Variants in CDKL5 observed in about 807,000 individuals in gnomAD.
CDKL5 encodes the protein cyclin-dependent kinase-like 5.
In CDKL5, 8 loss-of-function variants were observed where a neutral mutation model predicts 61.7. The observed-to-expected ratio is 0.13, with a 90% CI of 0.08 to 0.23. CDKL5 has a LOEUF of 0.23. Ranked by LOEUF, CDKL5 falls within the 10% of genes least tolerant of loss-of-function variation. CDKL5 has a pLI of 1.00. For synonymous variants in CDKL5, 275 were observed against 272.3 expected (o/e 1.01, Z -0.10); for missense variants, 440 against 734.5 (o/e 0.60, Z 4.63).
intron 15 of CDKL5, among the ~76,000 whole-genome samples, chrX:18,614,435 C>T (rs1926656418): frequency 8.9e-6 from 1 of 112,143 alleles, no homozygotes; most frequent in Non-Finnish European, 1.9e-5. Context: ...ACTTGTCTAT[C>T]AATCAGAGGA....
chrX:18,448,578 C>T lies in CDKL5; in HGVS notation c.-163+22883C>T, dbSNP rs777336461. On this transcript the variant is annotated intron_variant, in intron 1 of 17. Coordinates refer to ENST00000623535, the MANE Select transcript of CDKL5 (RefSeq NM_001323289.2). ...TTCTGAGTGGTGAGATTCCCCATTC[C>T]TCATGGAAGCTACAGTTAATTGGCA... 4.5e-5 allele frequency among the ~76,000 whole-genome samples: 5 copies of T among 112,304 alleles called. No homozygotes were observed. The South Asian group carries it at 1.8e-3, about 41-fold the overall frequency.
chrX:18,444,892 C>T (rs932574134), intron 1 of CDKL5, among the ~76,000 whole-genome samples: 19 of 110,862 alleles, frequency 1.7e-4, no homozygotes, highest in African/African-American at 4.9e-4. Context: ...TGCCTATGCC[C>T]GGGTTGTGGA....
At chrX:18,430,070 G>T (rs1014616784) in intron 1 of CDKL5, among the ~76,000 whole-genome samples, 1 of 112,218 alleles carries the variant, frequency 8.9e-6, no homozygotes, top group Non-Finnish European at 1.9e-5. Flanking sequence ...ACTGAACTCA[G>T]ATCCATCAGG....
At chrX:18,470,331 G>A (rs1322884889) in intron 1 of CDKL5, among the ~76,000 whole-genome samples, 3 of 74,805 alleles carry the variant, frequency 4.0e-5, no homozygotes, top group Admixed American at 4.0e-4. Flanking sequence ...GTGAGACTCC[G>A]TCTCAAAAAA....
At chrX:18,436,684 G>A (rs1931615388) in intron 1 of CDKL5, among the ~76,000 whole-genome samples, 1 of 109,511 alleles carries the variant, frequency 9.1e-6, no homozygotes, top group Admixed American at 9.8e-5. Context: ...CAGATCACTT[G>A]AGCCCAGGAG....
intron 1 of CDKL5, among the ~76,000 whole-genome samples, chrX:18,453,143 G>T (rs991512179): frequency 5.5e-4 from 61 of 111,488 alleles, no homozygotes; most frequent in Non-Finnish European, 2.6e-4. Flanking sequence ...TTTTAACCAC[G>T]TTTGAGTGCC....
At chrX:18,458,948 A>G (rs923709085) in intron 1 of CDKL5, among the ~76,000 whole-genome samples, 1 of 111,748 alleles carries the variant, frequency 8.9e-6, no homozygotes, top group Non-Finnish European at 1.9e-5. Flanking sequence ...TCCTGGCATT[A>G]TTATTACCTG....
At chrX:18,486,755 C>G (rs1283494329) in intron 1 of CDKL5, among the ~76,000 whole-genome samples, 1 of 111,383 alleles carries the variant, frequency 9.0e-6, no homozygotes, top group Non-Finnish European at 1.9e-5. Flanking sequence ...AATCAAGGCA[C>G]CTTGTTGAAA....
chrX:18,440,556 C>G (rs1001139045), intron 1 of CDKL5, among the ~76,000 whole-genome samples: 1 of 111,672 alleles, frequency 9.0e-6, no homozygotes, highest in Non-Finnish European at 1.9e-5. Flanking sequence ...TCACTGCAAC[C>G]TCTGCCTCCC....
Position 18,629,676 on chromosome X carries a change from G to A in CDKL5, c.*919G>A, listed in dbSNP as rs1048032707. ...CCTCTAGACATGATCCTTGGTAGCA[G>A]ACGAGATGCAGCATCTCTTTCCAAA... On this transcript the variant is annotated 3_prime_UTR_variant, in exon 18 of 18. Coordinates refer to ENST00000623535, the MANE Select transcript of CDKL5 (RefSeq NM_001323289.2). 8.1e-5 allele frequency: 61 copies of A among 752,009 alleles called. No individual in the cohort carries two copies. Among genetic ancestry groups the A allele is most frequent in the Non-Finnish European group, 9.2e-5 (59 of 638,945 alleles). 62.0% of individuals were successfully genotyped at this position (752,009 alleles called of 1,213,427 possible). A position where few individuals can be genotyped will look rare whatever the true frequency, so the allele number is the denominator to read the frequency against.
intron 3 of CDKL5, among the ~76,000 whole-genome samples, chrX:18,547,418 G>A (rs1160098736): frequency 3.6e-5 from 4 of 112,024 alleles, no homozygotes; most frequent in African/African-American, 1.3e-4. Context: ...TTTTCATTAT[G>A]TGCAAAACTG....
chrX:18,584,913 TA>T (rs780837563), intron 8 of CDKL5, among the ~76,000 whole-genome samples: 2 of 112,404 alleles, frequency 1.8e-5, no homozygotes, highest in East Asian at 5.6e-4. Context: ...AGCCATATTA[TA>T]AAATGGTATA....
At chrX:18,431,491 G>A (rs1489163833) in intron 1 of CDKL5, among the ~76,000 whole-genome samples, 4 of 104,119 alleles carry the variant, frequency 3.8e-5, no homozygotes, top group Non-Finnish European at 5.9e-5. Context: ...GCGCGGTCTC[G>A]GCTCACTGCA....
chrX:18,623,445 C>T (rs1159136554), intron 16 of CDKL5, among the ~76,000 whole-genome samples: 3 of 111,456 alleles, frequency 2.7e-5, no homozygotes, highest in African/African-American at 9.8e-5. Context: ...TTTTTTTCTC[C>T]TAATAGGCAA....
intron 3 of CDKL5, among the ~76,000 whole-genome samples, chrX:18,549,904 T>TAGC (rs1192208006): frequency 9.0e-6 from 1 of 111,477 alleles, no homozygotes; most frequent in Non-Finnish European, 1.9e-5. Flanking sequence ...GAAGAAAATG[T>TAGC]AGCATGCTGT....
chrX:18,439,003 A>G (rs770544663), intron 1 of CDKL5, among the ~76,000 whole-genome samples: 1 of 103,868 alleles, frequency 9.6e-6, no homozygotes, highest in South Asian at 4.7e-4. Context: ...GCACATAGGA[A>G]GTGCTCAATA....
chrX:18,555,435 A>T (rs1475976650), intron 3 of CDKL5, among the ~76,000 whole-genome samples: 1 of 112,442 alleles, frequency 8.9e-6, no homozygotes, highest in Non-Finnish European at 1.9e-5. Context: ...ATTCGTAGTG[A>T]TAAAAATGTG....
At chrX:18,595,227 A>C in intron 9 of CDKL5, 121 bp from the exon 10 acceptor site, 1 of 543,925 alleles carries the variant, frequency 1.8e-6, no homozygotes, top group Non-Finnish European at 3.4e-6. Context: ...GTAATATACA[A>C]GTATGAATTT....
At chrX:18,472,252 T>A in intron 1 of CDKL5, among the ~76,000 whole-genome samples, 1 of 111,956 alleles carries the variant, frequency 8.9e-6, no homozygotes, top group East Asian at 2.8e-4. Flanking sequence ...TTTAAAATGC[T>A]GTACTTTGGA....
Sources: allele counts gnomAD v4.1 joint callset (sites outside exome capture counted in the v4.1 genomes callset), GRCh38; gene constraint gnomAD v4.1.1; transcripts MANE v1.5; gene names NCBI Gene and HGNC (gene_info 2026-07-23, HGNC 2026-07-21).